PTPRT: variants seen among roughly 807,000 people sequenced by gnomAD.
The protein encoded by PTPRT is receptor-type tyrosine-protein phosphatase T.
A neutral mutation model predicts 176.8 loss-of-function variants in PTPRT; 56 were observed. That is an observed-to-expected ratio of 0.32 (90% CI 0.26 to 0.40). PTPRT has a LOEUF of 0.40. Ranked by LOEUF, PTPRT falls within the 10% of genes least tolerant of loss-of-function variation. The probability of loss-of-function intolerance (pLI) is 1.00; values close to 1 mark genes in which losing one functional copy is unlikely to be tolerated. For synonymous variants in PTPRT, 783 were observed against 739.0 expected, an observed-to-expected ratio of 1.06 and a Z score of -0.96; for missense variants, 1,540 against 1,908.2, an observed-to-expected ratio of 0.81 and a Z score of 3.60.
intron 1 of PTPRT, among the ~76,000 whole-genome samples, chr20:42,917,415 T>C (rs1978845416): frequency 6.6e-6 from 1 of 152,210 alleles, no homozygotes. Flanking sequence ...AGCTTTGTTC[T>C]TTTGGCTTAG....
chr20:43,107,589 G>T (rs917698974), intron 1 of PTPRT, among the ~76,000 whole-genome samples: 1 of 152,218 alleles, frequency 6.6e-6, no homozygotes, highest in Non-Finnish European at 1.5e-5. Context: ...TCAATAGGCA[G>T]ATGGAGTCAG....
intron 11 of PTPRT, among the ~76,000 whole-genome samples, chr20:42,340,703 A>G (rs934744723): frequency 6.6e-6 from 1 of 152,220 alleles, no homozygotes; most frequent in Non-Finnish European, 1.5e-5. Context: ...TGATGGAAGC[A>G]GACTTGAAAG....
chr20:42,661,612 G>A (rs989494795), intron 7 of PTPRT, among the ~76,000 whole-genome samples: 1 of 152,096 alleles, frequency 6.6e-6, no homozygotes, highest in Admixed American at 6.5e-5. Flanking sequence ...AGCTTCTAAT[G>A]ATTAAGAAGC....
intron 1 of PTPRT, among the ~76,000 whole-genome samples, chr20:42,972,702 A>AAAAAAAAG (rs1982725750): frequency 6.7e-6 from 1 of 148,242 alleles, no homozygotes; most frequent in African/African-American, 2.5e-5. Flanking sequence ...AAAAAAAGGA[A>AAAAAAAAG]GAAGAAGAAT....
At chr20:42,956,410 G>A in intron 1 of PTPRT, among the ~76,000 whole-genome samples, 1 of 128,114 alleles carries the variant, frequency 7.8e-6, no homozygotes, top group African/African-American at 4.0e-5. Context: ...TCTCTCTCTT[G>A]CTCCTACTCT....
At chr20:42,646,343 A>G (rs2074899241) in intron 7 of PTPRT, among the ~76,000 whole-genome samples, 1 of 152,112 alleles carries the variant, frequency 6.6e-6, no homozygotes, top group African/African-American at 2.4e-5. Flanking sequence ...GCTTTTGTAA[A>G]TTGTTATTGG....
chr20:42,505,081 C>G (rs2071820385), intron 7 of PTPRT, among the ~76,000 whole-genome samples: 1 of 131,366 alleles, frequency 7.6e-6, no homozygotes, highest in Non-Finnish European at 1.5e-5. Context: ...TTCTACTGAA[C>G]TTGCTCTTCC....
intron 1 of PTPRT, among the ~76,000 whole-genome samples, chr20:42,956,313 A>G (rs1445591929): frequency 6.6e-6 from 1 of 151,876 alleles, no homozygotes; most frequent in African/African-American, 2.4e-5. Context: ...ATGGTTCAGC[A>G]CCTCCTTTTG....
chr20:42,850,709 C>T (rs2078453685), intron 2 of PTPRT, among the ~76,000 whole-genome samples: 1 of 152,154 alleles, frequency 6.6e-6, no homozygotes, highest in South Asian at 2.1e-4. Flanking sequence ...CAGGCCTGGT[C>T]CTTTTTCTCC....
At chr20:42,444,609 T>A (rs538178278) in intron 9 of PTPRT, among the ~76,000 whole-genome samples, 1 of 152,244 alleles carries the variant, frequency 6.6e-6, no homozygotes, top group East Asian at 1.9e-4. Context: ...CCCTCCCTTA[T>A]TTTTTCTTTG....
chr20:42,149,921 T>A (rs1402060770), intron 17 of PTPRT, among the ~76,000 whole-genome samples: 1 of 152,130 alleles, frequency 6.6e-6, no homozygotes, highest in Non-Finnish European at 1.5e-5. Flanking sequence ...GCTGAGCCCA[T>A]GGGAGGCTCA....
At chr20:42,917,801 G>A (rs1315041488) in intron 1 of PTPRT, among the ~76,000 whole-genome samples, 1 of 152,168 alleles carries the variant, frequency 6.6e-6, no homozygotes, top group African/African-American at 2.4e-5. Flanking sequence ...CGAAAGTTGA[G>A]GTGAGGGATG....
chr20:43,060,508 A>G (rs548080627), intron 1 of PTPRT, among the ~76,000 whole-genome samples: 3 of 152,386 alleles, frequency 2.0e-5, no homozygotes, highest in South Asian at 4.1e-4. Context: ...GTATGGGAAC[A>G]TAAACATTCA....
chr20:42,165,288 A>G (rs887764504), intron 16 of PTPRT, among the ~76,000 whole-genome samples: 1 of 152,170 alleles, frequency 6.6e-6, no homozygotes, highest in East Asian at 1.9e-4. Flanking sequence ...GAAATATTTA[A>G]TGAGTACCTA....
intron 2 of PTPRT, among the ~76,000 whole-genome samples, chr20:42,824,316 G>T (rs2077953742): frequency 6.6e-6 from 1 of 151,834 alleles, no homozygotes; most frequent in Admixed American, 6.6e-5. Context: ...CTTTTGTTTT[G>T]TTTTGTTTTT....
intron 1 of PTPRT, among the ~76,000 whole-genome samples, chr20:43,103,750 GTAATAA>G (rs3092031): frequency 9.6e-5 from 14 of 146,082 alleles, no homozygotes; most frequent in Non-Finnish European, 1.3e-4. Flanking sequence ...GGGGAGATCA[GTAATAA>G]TAATAATAAT....
chr20:42,144,824 C>A (rs1467780487), intron 17 of PTPRT, among the ~76,000 whole-genome samples: 1 of 152,174 alleles, frequency 6.6e-6, no homozygotes, highest in Non-Finnish European at 1.5e-5. Context: ...TTTTAATACA[C>A]CAGCCTTGCC....
At chr20:42,339,262 A>G (rs995956894) in intron 11 of PTPRT, among the ~76,000 whole-genome samples, 1 of 152,224 alleles carries the variant, frequency 6.6e-6, no homozygotes, top group Admixed American at 6.5e-5. Flanking sequence ...GTCAGCATGC[A>G]ACAACACAAC....
At chr20:42,110,067 GAC>G in intron 23 of PTPRT, among the ~76,000 whole-genome samples, 1 of 141,262 alleles carries the variant, frequency 7.1e-6, no homozygotes, top group East Asian at 2.1e-4. Flanking sequence ...TTTTTTTTGA[GAC>G]AGAGTCTCGC....
Sources: allele counts gnomAD v4.1 joint callset (sites outside exome capture counted in the v4.1 genomes callset), GRCh38; gene constraint gnomAD v4.1.1; transcripts MANE v1.5; gene names NCBI Gene and HGNC (gene_info 2026-07-23, HGNC 2026-07-21).